ADAMTSL1: variants seen among roughly 807,000 people sequenced by gnomAD.
The protein encoded by ADAMTSL1 is ADAMTS-like protein 1.
In ADAMTSL1, 126 loss-of-function variants were observed where a neutral mutation model predicts 201.8. That is an observed-to-expected ratio of 0.62 (90% CI 0.54 to 0.72). The LOEUF is 0.72. Ranked by LOEUF, ADAMTSL1 falls within the 30% of genes least tolerant of loss-of-function variation. The pLI, the probability that ADAMTSL1 is intolerant of heterozygous loss-of-function variation, is 0.00. For missense variants in ADAMTSL1, 2,679 were observed against 2,277.8 expected, an observed-to-expected ratio of 1.18 and a Z score of -3.59; for synonymous variants, 1,121 against 903.4, an observed-to-expected ratio of 1.24 and a Z score of -4.32.
chr9:18,711,286 C>T (rs1414504977), intron 14 of ADAMTSL1, among the ~76,000 whole-genome samples: 1 of 152,218 alleles, frequency 6.6e-6, no homozygotes, highest in East Asian at 1.9e-4. Flanking sequence ...CAGCTCCCAG[C>T]GTGAGCTACG....
At chr9:18,094,273 T>C (rs1212569736) in intron 1 of ADAMTSL1, among the ~76,000 whole-genome samples, 1 of 152,240 alleles carries the variant, frequency 6.6e-6, no homozygotes, top group Non-Finnish European at 1.5e-5. Flanking sequence ...TTTCTGCAGC[T>C]ATTCTGTGGC....
intron 2 of ADAMTSL1, among the ~76,000 whole-genome samples, chr9:18,345,015 G>A (rs1354759720): frequency 2.6e-5 from 4 of 152,100 alleles, no homozygotes; most frequent in African/African-American, 9.7e-5. Context: ...CGACAAACAT[G>A]AGAGTGGCCA....
chr9:18,721,419 A>G (rs1833360664), intron 14 of ADAMTSL1, 117 bp from the exon 15 acceptor site: 2 of 1,400,682 alleles, frequency 1.4e-6, no homozygotes, highest in Non-Finnish European at 1.9e-6. Flanking sequence ...TCTCTGACAT[A>G]CAGCGAGAGT....
chr9:18,628,716 A>T (rs1161217516), intron 5 of ADAMTSL1, among the ~76,000 whole-genome samples: 1 of 152,124 alleles, frequency 6.6e-6, no homozygotes, highest in African/African-American at 2.4e-5. Context: ...AAGGTATGAG[A>T]ATTTTATGTC....
chr9:18,459,566 C>A (rs1317229153), intron 2 of ADAMTSL1, among the ~76,000 whole-genome samples: 1 of 152,120 alleles, frequency 6.6e-6, no homozygotes, highest in East Asian at 1.9e-4. Flanking sequence ...GGGAACTTGC[C>A]TGCAAAAGAG....
At chr9:18,790,379 T>C (rs1057094105) in intron 19 of ADAMTSL1, among the ~76,000 whole-genome samples, 2 of 152,126 alleles carry the variant, frequency 1.3e-5, no homozygotes, top group Non-Finnish European at 2.9e-5. Flanking sequence ...GGAGATCAAT[T>C]TGAGAAGTAG....
At chr9:18,479,715 C>T (rs1283881710) in intron 1 of ADAMTSL1, among the ~76,000 whole-genome samples, 1 of 152,170 alleles carries the variant, frequency 6.6e-6, no homozygotes, top group Admixed American at 6.5e-5. Flanking sequence ...TGACTTGTTC[C>T]TCCTGCCTCT....
intron 26 of ADAMTSL1, chr9:18,905,564 CT>C (rs1382432456): frequency 3.7e-6 from 2 of 542,996 alleles, no homozygotes; most frequent in East Asian, 6.2e-5. Flanking sequence ...TAGCCATTTG[CT>C]GGCAGAATGC....
At chr9:18,766,032 A>G (rs1447702390) in intron 16 of ADAMTSL1, among the ~76,000 whole-genome samples, 1 of 151,778 alleles carries the variant, frequency 6.6e-6, no homozygotes, top group Non-Finnish European at 1.5e-5. Context: ...AACAAGCTTG[A>G]CATGTTTGAG....
chr9:18,132,343 AG>A lies in ADAMTSL1; in HGVS notation c.88-31518del, dbSNP rs1467712633. ...TCTACCTTTTGCGTGTGTTTGAATC[AG>A]TGGCGTTAAGTACATTCACATTGTG... On this transcript the variant is annotated intron_variant, in intron 1 of 29. Coordinates refer to the ADAMTSL1 transcript ENST00000680146. 2.0e-5 allele frequency among the ~76,000 whole-genome samples: 3 copies of A among 152,242 alleles called. 1 individual carries two copies. The highest frequency in any genetic ancestry group is 4.4e-5 in the Non-Finnish European group (3 of 68,026).
At chr9:18,821,793 G>C (rs898592549) in intron 21 of ADAMTSL1, among the ~76,000 whole-genome samples, 4 of 152,144 alleles carry the variant, frequency 2.6e-5, no homozygotes, top group African/African-American at 4.8e-5. Flanking sequence ...GCACCTTTGA[G>C]TGGAAACCCC....
At chr9:18,080,680 T>A (rs1823460565) in intron 1 of ADAMTSL1, among the ~76,000 whole-genome samples, 1 of 152,192 alleles carries the variant, frequency 6.6e-6, no homozygotes, top group Non-Finnish European at 1.5e-5. Context: ...CCACTATGTG[T>A]TAGACATTAT....
chr9:18,183,731 T>C (rs1049735958), intron 2 of ADAMTSL1, among the ~76,000 whole-genome samples: 12 of 152,222 alleles, frequency 7.9e-5, no homozygotes, highest in Admixed American at 7.9e-4. Context: ...CTCTAACTTA[T>C]GTGCAACATT....
intron 23 of ADAMTSL1, among the ~76,000 whole-genome samples, chr9:18,865,180 T>TCCAC (rs1554650993): frequency 3.3e-5 from 5 of 152,066 alleles, no homozygotes; most frequent in Non-Finnish European, 5.9e-5. Context: ...CCTAATGCTA[T>TCCAC]CCCTCCCCGC....
At chr9:18,633,844 A>G (rs575266073) in intron 5 of ADAMTSL1, among the ~76,000 whole-genome samples, 1 of 152,194 alleles carries the variant, frequency 6.6e-6, no homozygotes, top group Non-Finnish European at 1.5e-5. Flanking sequence ...TTGGGAGCAT[A>G]TGATTCTTTT....
rs190430610 is a variant in ADAMTSL1, at chr9:18,373,796, C to G, written c.208-131033C>G. Among the ~76,000 whole-genome samples the G allele has an allele frequency of 6.2e-3, 938 of 152,282 alleles. 10 individuals carry two copies. Among genetic ancestry groups the G allele is most frequent in the African/African-American group, 0.021 (887 of 41,544 alleles). ...GCAAAATCTCCCTACTTTGGTCTTT[C>G]CTGCTACCCATAGCATTCTCCCTCT... On this transcript the variant is annotated intron_variant, in intron 2 of 29. Coordinates refer to the ADAMTSL1 transcript ENST00000680146.
chr9:18,438,003 C>A (rs943212550), intron 2 of ADAMTSL1, among the ~76,000 whole-genome samples: 1 of 152,126 alleles, frequency 6.6e-6, no homozygotes, highest in Non-Finnish European at 1.5e-5. Flanking sequence ...CCTGCTGGAA[C>A]GGGAAGGAGA....
chr9:18,022,728 A>G (rs764271057), intron 1 of ADAMTSL1, among the ~76,000 whole-genome samples: 17 of 152,188 alleles, frequency 1.1e-4, no homozygotes, highest in Non-Finnish European at 1.9e-4. Flanking sequence ...TATATAAAGA[A>G]GCATGATTTA....
chr9:17,978,626 T>C (rs930163621), intron 1 of ADAMTSL1, among the ~76,000 whole-genome samples: 2 of 152,160 alleles, frequency 1.3e-5, no homozygotes, highest in African/African-American at 4.8e-5. Context: ...AACTTTTAAA[T>C]ATGATGTACT....
Sources: allele counts gnomAD v4.1 joint callset (sites outside exome capture counted in the v4.1 genomes callset), GRCh38; gene constraint gnomAD v4.1.1; transcripts MANE v1.5; gene names NCBI Gene and HGNC (gene_info 2026-07-23, HGNC 2026-07-21).